AFF3: variants seen among roughly 807,000 people sequenced by gnomAD.
AFF3 encodes the protein ALF transcription elongation factor 3.
A neutral mutation model predicts 129.7 loss-of-function variants in AFF3; 32 were observed. The ratio of observed to expected loss-of-function variants is 0.25; its 90% CI spans 0.19 to 0.33. The LOEUF (loss-of-function observed/expected upper bound fraction) is 0.33. Among genes scored for constraint, AFF3 ranks in the 10% least tolerant of loss-of-function variants. The probability of loss-of-function intolerance (pLI) is 1.00; values close to 1 mark genes in which losing one functional copy is unlikely to be tolerated. For synonymous variants in AFF3, 644 were observed against 635.4 expected, an observed-to-expected ratio of 1.01 and a Z score of -0.20; for missense variants, 1,373 against 1,592.0, an observed-to-expected ratio of 0.86 and a Z score of 2.34.
chr2:99,725,378 C>A (rs1046589949), intron 11 of AFF3, among the ~76,000 whole-genome samples: 2 of 150,968 alleles, frequency 1.3e-5, no homozygotes, highest in Non-Finnish European at 3.0e-5. Context: ...ATTTTTGAGA[C>A]AGTCTTACTT....
At chr2:99,892,255 T>G (rs908529987) in intron 7 of AFF3, among the ~76,000 whole-genome samples, 1 of 152,240 alleles carries the variant, frequency 6.6e-6, no homozygotes, top group Non-Finnish European at 1.5e-5. Flanking sequence ...TAAAAACATA[T>G]TAAGCCATTT....
At chr2:99,900,919 C>A (rs1694299907) in intron 7 of AFF3, among the ~76,000 whole-genome samples, 1 of 152,156 alleles carries the variant, frequency 6.6e-6, no homozygotes, top group South Asian at 2.1e-4. Flanking sequence ...ACAGAGTGAA[C>A]AATGCTACTC....
At chr2:99,679,249 CT>C in intron 11 of AFF3, among the ~76,000 whole-genome samples, 1 of 152,230 alleles carries the variant, frequency 6.6e-6, no homozygotes, top group Non-Finnish European at 1.5e-5. Flanking sequence ...GACTCCCTCC[CT>C]CCCGGGGAGG....
chr2:99,904,980 A>C (rs1694608937), intron 7 of AFF3, among the ~76,000 whole-genome samples: 1 of 151,296 alleles, frequency 6.6e-6, no homozygotes, highest in Non-Finnish European at 1.5e-5. Context: ...CTTTCCTCCA[A>C]TCTCCCCACT....
chr2:99,668,283 C>T lies in AFF3; in HGVS notation c.1143+4255G>A, dbSNP rs1028453920. ...GCCTCTTGGGTTCAAGCAATACTCC[C>T]GTCTCAGCCTCCCGAGTAGCTGGGA... On this transcript the variant is annotated intron_variant, in intron 12 of 24. Transcript: ENST00000672756. Among the ~76,000 whole-genome samples the T allele has an allele frequency of 4.0e-5, 6 of 151,146 alleles. No individual in the cohort carries two copies. In the South Asian group the frequency reaches 6.3e-4, roughly 16 times the overall value.
chr2:99,918,106 G>A (rs1271154415), intron 7 of AFF3, among the ~76,000 whole-genome samples: 1 of 152,074 alleles, frequency 6.6e-6, no homozygotes, highest in East Asian at 1.9e-4. Flanking sequence ...CTTCAACCAA[G>A]AAACTCTCTC....
chr2:99,888,254 T>C (rs1576282110), intron 7 of AFF3, among the ~76,000 whole-genome samples: 4 of 152,324 alleles, frequency 2.6e-5, no homozygotes, highest in African/African-American at 2.4e-5. Context: ...ATGAAGGTAC[T>C]GGAATAAATT....
chr2:99,552,525 T>C (rs1003446432), intron 24 of AFF3, among the ~76,000 whole-genome samples: 9 of 152,144 alleles, frequency 5.9e-5, no homozygotes, highest in Non-Finnish European at 1.3e-4. Flanking sequence ...GGAAAACACA[T>C]TCATATGGCT....
intron 8 of AFF3, among the ~76,000 whole-genome samples, chr2:99,808,560 C>G (rs1327549151): frequency 6.6e-6 from 1 of 152,144 alleles, no homozygotes; most frequent in Admixed American, 6.5e-5. Flanking sequence ...GCCCCTCCCC[C>G]TCCTCTGAGC....
intron 15 of AFF3, among the ~76,000 whole-genome samples, chr2:99,592,187 C>T (rs1159708940): frequency 6.6e-6 from 1 of 152,170 alleles, no homozygotes; most frequent in East Asian, 1.9e-4. Flanking sequence ...ATGGGCTACA[C>T]GTTCAGGCTC....
intron 8 of AFF3, among the ~76,000 whole-genome samples, chr2:99,761,725 A>G (rs886441904): frequency 1.3e-5 from 2 of 152,194 alleles, no homozygotes; most frequent in African/African-American, 4.8e-5. Context: ...TCATTTCCCT[A>G]TTAAAACAAG....
intron 7 of AFF3, among the ~76,000 whole-genome samples, chr2:99,872,079 G>A (rs897179717): frequency 1.3e-5 from 2 of 151,568 alleles, no homozygotes; most frequent in Admixed American, 6.6e-5. Context: ...GGTGGTGGGC[G>A]CCTGTAGTCC....
Position 99,866,381 on chromosome 2 carries a change from C to T in AFF3, c.874-28857G>A, listed in dbSNP as rs148605972. Among the ~76,000 whole-genome samples, 108 of 152,292 alleles carry T rather than the reference C, an allele frequency of 7.1e-4. 1 individual carries two copies. The highest frequency in any genetic ancestry group is 2.5e-3 in the African/African-American group (102 of 41,568). On this transcript the variant is annotated intron_variant, in intron 7 of 24. Transcript: ENST00000672756. ...GCAAAAATAGGCTTGAAGACCTCAT[C>T]ATCAGAAAAAAAGCCCAGCCATGCA... is the stretch of plus-strand genomic sequence containing the variant.
chr2:99,577,288 G>A (rs1559496838), intron 18 of AFF3, among the ~76,000 whole-genome samples: 1 of 152,176 alleles, frequency 6.6e-6, no homozygotes, highest in Non-Finnish European at 1.5e-5. Flanking sequence ...AGTTAGGGAT[G>A]GAGGAGCGGG....
chr2:99,805,227 T>G (rs753816936), intron 8 of AFF3, among the ~76,000 whole-genome samples: 30 of 152,350 alleles, frequency 2.0e-4, no homozygotes, highest in Non-Finnish European at 3.8e-4. Context: ...ATGCTTGGTT[T>G]CAAAGGCAAA....
At chr2:99,615,715 G>C (rs1681359005) in intron 13 of AFF3, among the ~76,000 whole-genome samples, 1 of 152,246 alleles carries the variant, frequency 6.6e-6, no homozygotes, top group South Asian at 2.1e-4. Flanking sequence ...ATGGCTGGCT[G>C]GCGGGTGGGA....
At chr2:100,071,908 C>T (rs1688219002) in intron 4 of AFF3, among the ~76,000 whole-genome samples, 1 of 152,158 alleles carries the variant, frequency 6.6e-6, no homozygotes, top group Admixed American at 6.5e-5. Context: ...GTAGTACAGC[C>T]TGTAAACCTA....
chr2:99,858,327 C>T (rs1037659894), intron 7 of AFF3, among the ~76,000 whole-genome samples: 2 of 149,576 alleles, frequency 1.3e-5, no homozygotes, highest in African/African-American at 5.0e-5. Flanking sequence ...GGGCGGATTG[C>T]TTGAGCCCAG....
intron 11 of AFF3, among the ~76,000 whole-genome samples, chr2:99,690,345 T>A (rs1482788385): frequency 6.6e-6 from 1 of 150,964 alleles, no homozygotes; most frequent in Non-Finnish European, 1.5e-5. Flanking sequence ...CACGCCCGGC[T>A]AATTTTTTTG....
Sources: allele counts gnomAD v4.1 joint callset (sites outside exome capture counted in the v4.1 genomes callset), GRCh38; gene constraint gnomAD v4.1.1; transcripts MANE v1.5; gene names NCBI Gene and HGNC (gene_info 2026-07-23, HGNC 2026-07-21).